CLECL1: variants seen among roughly 807,000 people sequenced by gnomAD.
CLECL1 encodes C-type lectin like 1.
chr12:9,708,893 AC>A, the CLECL1 span: 1 of 265,106 alleles, frequency 3.8e-6, no homozygotes, highest in Non-Finnish European at 7.1e-6. Flanking sequence ...AGTTCTCTTC[AC>A]CACTTCCAGC....
the CLECL1 span, among the ~76,000 whole-genome samples, chr12:9,708,304 T>G: frequency 9.9e-5 from 15 of 152,280 alleles, no homozygotes; most frequent in Middle Eastern, 0.01. Flanking sequence ...TTCTGTTTTT[T>G]AAGTGAGAGG....
chr12:9,723,668 G>C (rs1488703453), intron 3 of CLECL1, among the ~76,000 whole-genome samples: 1 of 152,154 alleles, frequency 6.6e-6, no homozygotes, highest in African/African-American at 2.4e-5. Context: ...CCAGAGAACA[G>C]AGTTAAGAGA....
chr12:9,722,483 C>G, downstream of CLECL1: 1 of 1,297,060 alleles, frequency 7.7e-7, no homozygotes, highest in Non-Finnish European at 9.9e-7. Flanking sequence ...AAAAAAACCT[C>G]AAAGGTAATC....
chr12:9,721,751 C>T (rs779473198), downstream of CLECL1, among the ~76,000 whole-genome samples: 8 of 152,194 alleles, frequency 5.3e-5, no homozygotes, highest in Non-Finnish European at 7.3e-5. Flanking sequence ...TTAAAATTTG[C>T]TCTAGAAGAA....
the CLECL1 span, among the ~76,000 whole-genome samples, chr12:9,705,608 A>G: frequency 2.6e-5 from 4 of 152,172 alleles, no homozygotes; most frequent in South Asian, 4.2e-4. Flanking sequence ...CCCAGTTTCA[A>G]TTTTCTGCAT....
chr12:9,717,919 T>G (rs1866258191), downstream of CLECL1, among the ~76,000 whole-genome samples: 1 of 152,126 alleles, frequency 6.6e-6, no homozygotes, highest in Non-Finnish European at 1.5e-5. Flanking sequence ...CATTATCTCC[T>G]TTTCAAATAT....
the CLECL1 span, chr12:9,704,248 A>G: frequency 6.6e-6 from 1 of 152,188 alleles, no homozygotes; most frequent in Non-Finnish European, 1.5e-5. Context: ...AACTTCCAAT[A>G]AATATTTTCT....
At position 9,726,550 on chromosome 12, in the gene CLECL1, T is replaced by C. The variant is rs184457192; in HGVS notation, n.262+1015A>G. Among the ~76,000 whole-genome samples the C allele has an allele frequency of 1.1e-3, 161 of 151,960 alleles. 1 individual carries two copies. The highest frequency in any genetic ancestry group is 2.0e-3 in the Non-Finnish European group (138 of 67,808). ...AGTCCCAGAAGGAAACAAAGAGAAATTAGAGAAAGAATTTGGAATGGTGGT... is the reference window on the plus strand; with the variant it reads ...AGTCCCAGAAGGAAACAAAGAGAAACTAGAGAAAGAATTTGGAATGGTGGT... On this transcript the variant is annotated intron_variant and non_coding_transcript_variant, in intron 3 of 3. Transcript: ENST00000621400.
downstream of CLECL1, among the ~76,000 whole-genome samples, chr12:9,715,666 C>T (rs1374064731): frequency 2.0e-5 from 3 of 152,112 alleles, no homozygotes; most frequent in African/African-American, 7.2e-5. Context: ...TGGGTTTTTC[C>T]TCCTCTACCT....
chr12:9,730,209 C>T (rs1046282828), intron 1 of CLECL1, among the ~76,000 whole-genome samples: 2 of 152,170 alleles, frequency 1.3e-5, no homozygotes, highest in African/African-American at 4.8e-5. Flanking sequence ...GATATCTAAC[C>T]TCAGGTCTCT....
At chr12:9,720,796 C>A (rs745556957), downstream of CLECL1, among the ~76,000 whole-genome samples, 1 of 152,162 alleles carries the variant, frequency 6.6e-6, no homozygotes, top group Non-Finnish European at 1.5e-5. Flanking sequence ...TTTCTGCAGA[C>A]CCCAGGAGCT....
Position 9,731,795 on chromosome 12 carries a change from A to G in CLECL1, n.82+1154T>C, listed in dbSNP as rs781553556. Among the ~76,000 whole-genome samples the G allele has an allele frequency of 4.6e-5, 7 of 152,352 alleles. No individual in the cohort carries two copies. In the East Asian group the frequency reaches 1.3e-3, roughly 29 times the overall value. ...CTGGGAAAAGAATAAGGTTTTATTT[A>G]TAAAAGTTCAAACCATAGACAGAAA... On this transcript the variant is annotated intron_variant and non_coding_transcript_variant, in intron 1 of 3. Transcript: ENST00000621400.
At chr12:9,711,515 A>T (rs1591713336), downstream of CLECL1, among the ~76,000 whole-genome samples, 1 of 1,308 alleles carries the variant, frequency 7.6e-4, no homozygotes, top group Admixed American at 9.3e-3. Flanking sequence ...AGTTATTTAA[A>T]AAAAAAAAAA....
At chr12:9,714,846 C>CA (rs959772186), downstream of CLECL1, among the ~76,000 whole-genome samples, 6 of 152,148 alleles carry the variant, frequency 3.9e-5, no homozygotes, top group Non-Finnish European at 8.8e-5. Flanking sequence ...ACTGCAAAAA[C>CA]AAATTTCCGG....
At chr12:9,719,881 C>T (rs1233982966), downstream of CLECL1, among the ~76,000 whole-genome samples, 6 of 152,188 alleles carry the variant, frequency 3.9e-5, no homozygotes, top group East Asian at 9.6e-4. Flanking sequence ...CTTCTTCATC[C>T]TGGGCATTTT....
downstream of CLECL1, chr12:9,718,524 G>A (rs757222861): frequency 2.9e-4 from 75 of 258,928 alleles, 5 homozygotes; most frequent in Non-Finnish European, 4.8e-4. Context: ...CCAGAGAGTG[G>A]AATATTATGG....
downstream of CLECL1, among the ~76,000 whole-genome samples, chr12:9,717,498 G>A (rs1436686080): frequency 6.6e-6 from 1 of 152,152 alleles, no homozygotes; most frequent in African/African-American, 2.4e-5. Context: ...ATAATTGAAA[G>A]GACCTTAGAT....
At chr12:9,734,330 G>A (rs942127555), upstream of CLECL1, among the ~76,000 whole-genome samples, 28 of 152,186 alleles carry the variant, frequency 1.8e-4, no homozygotes, top group African/African-American at 6.8e-4. Flanking sequence ...TCTTAAGACT[G>A]CATGACACTC....
chr12:9,705,479 T>A, the CLECL1 span, among the ~76,000 whole-genome samples: 1 of 152,224 alleles, frequency 6.6e-6, no homozygotes, highest in Admixed American at 6.5e-5. Flanking sequence ...TATTTGCCTG[T>A]GTCTATATCC....
Sources: gnomAD v4.1 joint callset for allele counts (sites outside exome capture counted in the v4.1 genomes callset) on GRCh38, gnomAD v4.1.1 for gene constraint, MANE v1.5 for transcripts, NCBI Gene and HGNC (gene_info 2026-07-23, HGNC 2026-07-21) for gene names.